Variants in SDCCAG8 observed in about 807,000 individuals in gnomAD.
The protein encoded by SDCCAG8 is serologically defined colon cancer antigen 8.
A neutral mutation model predicts 101.8 loss-of-function variants in SDCCAG8; 74 were observed. The observed-to-expected ratio is 0.73, with a 90% CI of 0.60 to 0.88. SDCCAG8 has a LOEUF of 0.88. SDCCAG8 is among the 40% of genes least tolerant of loss of function. SDCCAG8 has a pLI of 0.00. For synonymous variants in SDCCAG8, 281 were observed against 292.9 expected (o/e 0.96, Z 0.41); for missense variants, 787 against 822.6 (o/e 0.96, Z 0.53).
At chr1:243,274,206 A>T (rs1238646706) in intron 3 of SDCCAG8, among the ~76,000 whole-genome samples, 1 of 152,164 alleles carries the variant, frequency 6.6e-6, no homozygotes, top group Non-Finnish European at 1.5e-5. Flanking sequence ...GAGGTGTCAC[A>T]TTCTTTTAAA....
At chr1:243,464,730 G>T (rs940367512) in intron 16 of SDCCAG8, among the ~76,000 whole-genome samples, 1 of 152,188 alleles carries the variant, frequency 6.6e-6, no homozygotes, top group Non-Finnish European at 1.5e-5. Context: ...CAATAAACAA[G>T]AAGTCGATGG....
intron 12 of SDCCAG8, among the ~76,000 whole-genome samples, chr1:243,378,292 T>C (rs1296722302): frequency 1.3e-5 from 2 of 152,050 alleles, no homozygotes; most frequent in Non-Finnish European, 2.9e-5. Flanking sequence ...ATTTGGGTTT[T>C]GAAACACCCA....
intron 12 of SDCCAG8, among the ~76,000 whole-genome samples, chr1:243,363,708 G>A (rs956774308): frequency 5.3e-5 from 8 of 152,032 alleles, no homozygotes; most frequent in African/African-American, 1.9e-4. Flanking sequence ...ATGAAAATGG[G>A]TGAAAGCAGG....
At chr1:243,307,453 T>A in intron 7 of SDCCAG8, 1 of 982,628 alleles carries the variant, frequency 1.0e-6, no homozygotes, top group Middle Eastern at 5.2e-4. Context: ...CTAACAGTAA[T>A]GTTTTCCTCC....
At chr1:243,336,207 C>T (rs1245785033) in intron 10 of SDCCAG8, among the ~76,000 whole-genome samples, 1 of 152,172 alleles carries the variant, frequency 6.6e-6, no homozygotes, top group Non-Finnish European at 1.5e-5. Context: ...TGAGAAATTT[C>T]CAAACTGCTT....
chr1:243,302,845 G>C (rs542778475), intron 6 of SDCCAG8, among the ~76,000 whole-genome samples: 12 of 152,228 alleles, frequency 7.9e-5, no homozygotes, highest in African/African-American at 2.9e-4. Context: ...CAATGGAAGA[G>C]AACCCCAGTA....
chr1:243,413,590 T>G (rs1052631148), intron 13 of SDCCAG8, among the ~76,000 whole-genome samples: 1 of 152,200 alleles, frequency 6.6e-6, no homozygotes, highest in Non-Finnish European at 1.5e-5. Flanking sequence ...ATTGGGGAAC[T>G]GTAAGTACCA....
chr1:243,297,427 T>G (rs2071040333), intron 6 of SDCCAG8, among the ~76,000 whole-genome samples: 2 of 152,252 alleles, frequency 1.3e-5, no homozygotes, highest in Admixed American at 1.3e-4. Context: ...AAATTTACGT[T>G]GCATATGTAT....
chr1:243,386,768 T>TGAACGAGAGA (rs1553336963), intron 13 of SDCCAG8, among the ~76,000 whole-genome samples: 204 of 143,478 alleles, frequency 1.4e-3, no homozygotes, highest in Admixed American at 2.6e-3. Context: ...AGAAAGAAAG[T>TGAACGAGAGA]GAGAGAGAGA....
At chr1:243,498,221 C>T (rs937388201) in intron 17 of SDCCAG8, among the ~76,000 whole-genome samples, 3 of 149,910 alleles carry the variant, frequency 2.0e-5, no homozygotes, top group Non-Finnish European at 4.4e-5. Context: ...GCAAACCCTG[C>T]GTTTGACAAT....
chr1:243,273,040 CATA>C (rs1411870775), intron 3 of SDCCAG8, among the ~76,000 whole-genome samples: 1 of 152,156 alleles, frequency 6.6e-6, no homozygotes, highest in Non-Finnish European at 1.5e-5. Flanking sequence ...CCTGTATACT[CATA>C]GTAGTAATTT....
At chr1:243,451,836 G>A (rs1298494950) in intron 16 of SDCCAG8, among the ~76,000 whole-genome samples, 1 of 152,202 alleles carries the variant, frequency 6.6e-6, no homozygotes, top group Non-Finnish European at 1.5e-5. Flanking sequence ...GGCTGAGGTG[G>A]GAGGATCGTT....
At position 243,497,457 on chromosome 1, in the gene SDCCAG8, C is replaced by G. The variant is rs571900674; in HGVS notation, c.2113-2299C>G. 2.0e-3 allele frequency among the ~76,000 whole-genome samples: 304 copies of G among 152,130 alleles called. 4 individuals carry two copies. Among genetic ancestry groups the G allele is most frequent in the African/African-American group, 7.0e-3 (290 of 41,506 alleles). The stretch of plus-strand genomic sequence containing the variant: ...GCCCATAGAGATGGCCATGGCTGAT[C>G]TGCCGCAGGAAGGAATCAGGCTGAC... On this transcript the variant is annotated intron_variant, in intron 17 of 17. Transcript: ENST00000366541.
At chr1:243,471,657 A>AGATGG (rs1661295383) in intron 16 of SDCCAG8, among the ~76,000 whole-genome samples, 2 of 152,166 alleles carry the variant, frequency 1.3e-5, no homozygotes, top group African/African-American at 4.8e-5. Flanking sequence ...CAGAATTCCC[A>AGATGG]GAAGCCTCAG....
intron 1 of SDCCAG8, among the ~76,000 whole-genome samples, chr1:243,268,923 G>C: frequency 6.6e-6 from 1 of 151,640 alleles, no homozygotes; most frequent in East Asian, 1.9e-4. Flanking sequence ...GGTGCAGCGC[G>C]GGGAGGGCTT....
intron 17 of SDCCAG8, among the ~76,000 whole-genome samples, chr1:243,494,970 A>G (rs947880483): frequency 6.6e-6 from 1 of 152,182 alleles, no homozygotes; most frequent in African/African-American, 2.4e-5. Flanking sequence ...CAGAGGCTCC[A>G]CTCTCTGCTG....
At chr1:243,414,942 C>G (rs2080465802) in intron 13 of SDCCAG8, among the ~76,000 whole-genome samples, 1 of 151,800 alleles carries the variant, frequency 6.6e-6, no homozygotes, top group African/African-American at 2.4e-5. Flanking sequence ...CCTTTGCATT[C>G]CCCAGGTTCT....
At chr1:243,445,168 G>C (rs746823893) in intron 16 of SDCCAG8, among the ~76,000 whole-genome samples, 1 of 152,054 alleles carries the variant, frequency 6.6e-6, no homozygotes, top group African/African-American at 2.4e-5. Flanking sequence ...AAGGAGCTCT[G>C]CCTGTCTTAT....
intron 13 of SDCCAG8, among the ~76,000 whole-genome samples, chr1:243,409,455 A>G (rs186751842): frequency 3.3e-5 from 5 of 152,292 alleles, no homozygotes; most frequent in East Asian, 1.9e-4. Flanking sequence ...TAGTCCACCA[A>G]GGTGACCTAG....
Sources: gnomAD v4.1 joint callset for allele counts (sites outside exome capture counted in the v4.1 genomes callset) on GRCh38, gnomAD v4.1.1 for gene constraint, MANE v1.5 for transcripts, NCBI Gene and HGNC (gene_info 2026-07-23, HGNC 2026-07-21) for gene names.